MAP3K4: variants seen among roughly 807,000 people sequenced by gnomAD.
MAP3K4 encodes MAP three kinase 1.
A neutral mutation model predicts 185.6 loss-of-function variants in MAP3K4; 67 were observed. The observed-to-expected ratio is 0.36, with a 90% CI of 0.30 to 0.44. MAP3K4 has a LOEUF of 0.44. Ranked by LOEUF, MAP3K4 falls within the 20% of genes least tolerant of loss-of-function variation. The pLI is 1.00. For missense variants in MAP3K4, 1,551 were observed against 1,995.1 expected (o/e 0.78, Z 4.24); for synonymous variants, 702 against 710.4 (o/e 0.99, Z 0.19).
rs1784748096 is a variant in MAP3K4 at position 161,067,144 on chromosome 6, C to T, written c.1708-3464C>T. On this transcript the variant is annotated intron_variant, in intron 3 of 26. Coordinates refer to ENST00000392142, the MANE Select transcript of MAP3K4 (RefSeq NM_005922.4). This position sits in a 1 kb window ranked among gnomAD's most constrained non-coding sequence, Gnocchi z 6.3. ...CGCCTGTGACACAGCCTCAGGACGTCCTGACTATGTGTGCCCAAGGTGGTC... is the reference window on the plus strand; with the variant it reads ...CGCCTGTGACACAGCCTCAGGACGTTCTGACTATGTGTGCCCAAGGTGGTC... 1 of 254,068 alleles carries T rather than the reference C, an allele frequency of 3.9e-6. No individual in the cohort carries two copies. The highest frequency in any genetic ancestry group is 8.3e-6 in the Non-Finnish European group (1 of 121,034). The allele number at this position is 254,068 out of a possible 1,614,324, so 15.7% of individuals were successfully genotyped here. A position where few individuals can be genotyped will look rare whatever the true frequency, so the allele number is the denominator to read the frequency against.
intron 1 of MAP3K4, among the ~76,000 whole-genome samples, chr6:161,014,224 C>T (rs914223924): frequency 6.6e-6 from 1 of 152,100 alleles, no homozygotes; most frequent in African/African-American, 2.4e-5. Context: ...GCGCCCTTTC[C>T]TTTTAGGCTT....
chr6:161,013,191 A>T (rs953990975), intron 1 of MAP3K4, among the ~76,000 whole-genome samples: 2 of 152,220 alleles, frequency 1.3e-5, no homozygotes, highest in Non-Finnish European at 2.9e-5. Context: ...ACTGTTTGCT[A>T]ATTTCCTAGG....
At chr6:160,992,837 A>G (rs559047296) in intron 1 of MAP3K4, among the ~76,000 whole-genome samples, 2 of 152,078 alleles carry the variant, frequency 1.3e-5, no homozygotes, top group East Asian at 3.9e-4. Flanking sequence ...TAATTGAGAG[A>G]ACAAACTCAC....
chr6:161,099,624 G>T (rs1449584342), intron 17 of MAP3K4, among the ~76,000 whole-genome samples: 2 of 152,294 alleles, frequency 1.3e-5, no homozygotes, highest in East Asian at 1.9e-4. Context: ...AGACTGAAGA[G>T]AAGTGATTTG....
chr6:161,003,115 A>G (rs1781405434), intron 1 of MAP3K4, among the ~76,000 whole-genome samples: 1 of 152,164 alleles, frequency 6.6e-6, no homozygotes, highest in African/African-American at 2.4e-5. Flanking sequence ...ATTTTTCACT[A>G]TTTTGGATTG....
In MAP3K4 at chr6:160,996,964, T is replaced by C. The variant is rs1430246223; in HGVS notation, c.152+4881T>C. ...TGCTTCTGAATGAGAGGCAGTGTGA[T>C]CCAGACTTACTCTTAGGTTTTTATT... is the stretch of plus-strand genomic sequence containing the variant. On this transcript the variant is annotated intron_variant, in intron 1 of 26. Coordinates refer to ENST00000392142, the MANE Select transcript of MAP3K4 (RefSeq NM_005922.4). This position sits in a 1 kb window ranked among gnomAD's most constrained non-coding sequence, Gnocchi z 4.5. Among the ~76,000 whole-genome samples, 1 of 152,230 alleles carries C rather than the reference T, an allele frequency of 6.6e-6. No homozygotes were observed. The highest frequency in any genetic ancestry group is 6.5e-5 in the Admixed American group (1 of 15,282).
intron 2 of MAP3K4, among the ~76,000 whole-genome samples, chr6:161,038,304 A>G (rs891251583): frequency 7.9e-5 from 12 of 152,224 alleles, no homozygotes; most frequent in African/African-American, 2.9e-4. Flanking sequence ...CTTCTGGAAC[A>G]AGTGACATTT....
chr6:160,992,256 T>A, intron 1 of MAP3K4, 173 bp downstream of exon 1: 1 of 900,666 alleles, frequency 1.1e-6, no homozygotes, highest in Non-Finnish European at 1.6e-6. Context: ...GGACCGCGTC[T>A]GAGTCTGTCC....
At chr6:161,058,333 A>C (rs1784332786) in intron 3 of MAP3K4, among the ~76,000 whole-genome samples, 2 of 152,206 alleles carry the variant, frequency 1.3e-5, no homozygotes, top group Admixed American at 1.3e-4. Context: ...CATGACCAGC[A>C]GCATAAGGGC....
Position 161,091,730 on chromosome 6 carries a change from T to C in MAP3K4, c.3135+190T>C, listed in dbSNP as rs1777320760. 6.6e-6 allele frequency among the ~76,000 whole-genome samples: 1 copy of C among 152,224 alleles called. No individual in the cohort carries two copies. Among genetic ancestry groups the C allele is most frequent in the Non-Finnish European group, 1.5e-5 (1 of 68,042 alleles). On this transcript the variant is annotated intron_variant, in intron 12 of 26. Coordinates refer to ENST00000392142, the MANE Select transcript of MAP3K4 (RefSeq NM_005922.4). The surrounding 1 kb of genome is among the most constrained non-coding windows in gnomAD (Gnocchi z 5.5). ...AACTGTTAGGTAATTGTCCAACTTT[T>C]ATTTTGTGCTAACAGCCATCTACTT...
chr6:161,008,394 G>A lies in MAP3K4; in HGVS notation c.152+16311G>A, dbSNP rs1781693826. Reference sequence around the variant, plus strand: ...GGAAATATAATTACTATACCAAAGTGTGTGTGTGTGTAAATATATGTAAAA... The same window carrying A: ...GGAAATATAATTACTATACCAAAGTATGTGTGTGTGTAAATATATGTAAAA... On this transcript the variant is annotated intron_variant, in intron 1 of 26. Transcript: ENST00000392142. The surrounding 1 kb of genome is among the most constrained non-coding windows in gnomAD (Gnocchi z 4.1). Among the ~76,000 whole-genome samples the A allele has an allele frequency of 6.6e-6, 1 of 152,052 alleles. No individual in the cohort carries two copies. The highest frequency in any genetic ancestry group is 1.5e-5 in the Non-Finnish European group (1 of 68,000).
chr6:161,030,276 C>T (rs1380681599), intron 1 of MAP3K4, among the ~76,000 whole-genome samples: 2 of 152,052 alleles, frequency 1.3e-5, no homozygotes, highest in African/African-American at 4.8e-5. Flanking sequence ...GTTGCTGTGT[C>T]TTCAAGTTCA....
At chr6:160,993,128 A>G (rs1375380631) in intron 1 of MAP3K4, among the ~76,000 whole-genome samples, 1 of 152,216 alleles carries the variant, frequency 6.6e-6, no homozygotes, top group Non-Finnish European at 1.5e-5. Context: ...GTCATCATTC[A>G]GTTGGCCCAA....
chr6:160,991,886 G>T lies in MAP3K4; in HGVS notation c.-46G>T. 1.4e-6 allele frequency: 2 copies of T among 1,469,680 alleles called. No individual in the cohort carries two copies. The highest frequency in any genetic ancestry group is 1.8e-6 in the Non-Finnish European group (2 of 1,120,006). The allele number at this position is 1,469,680 out of a possible 1,614,324, so 91.0% of individuals were successfully genotyped here. A position where few individuals can be genotyped will look rare whatever the true frequency, so the allele number is the denominator to read the frequency against. On this transcript the variant is annotated 5_prime_UTR_variant, in exon 1 of 27. Coordinates refer to ENST00000392142, the MANE Select transcript of MAP3K4 (RefSeq NM_005922.4). This position sits in a 1 kb window ranked among gnomAD's most constrained non-coding sequence, Gnocchi z 5.7. Reference sequence around the variant, plus strand: ...TCGGGGCTCCGGTGCCCCGCGCCAGGCTGCAGCTTACTGCCCGCCGCGGCC... The same window carrying T: ...TCGGGGCTCCGGTGCCCCGCGCCAGTCTGCAGCTTACTGCCCGCCGCGGCC...
rs1037265593 is a variant in MAP3K4, at chr6:161,024,681, T to G, written c.153-9578T>G. On this transcript the variant is annotated intron_variant, in intron 1 of 26. Coordinates refer to ENST00000392142, the MANE Select transcript of MAP3K4 (RefSeq NM_005922.4). ...TTTTTAGGAGGAATACCACAGAGAT[T>G]AAGTGACCTTGTCATCATATCATAT... 6.6e-5 allele frequency among the ~76,000 whole-genome samples: 10 copies of G among 152,166 alleles called. No homozygotes were observed. In the East Asian group the frequency reaches 1.5e-3, roughly 23 times the overall value.
chr6:161,060,984 G>C (rs1784463936), intron 3 of MAP3K4, among the ~76,000 whole-genome samples: 1 of 152,110 alleles, frequency 6.6e-6, no homozygotes. Flanking sequence ...TATATTCCAA[G>C]ACCACTGTCT....
chr6:161,112,013 G>C lies in MAP3K4; in HGVS notation c.4519+55G>C. 1 of 1,600,574 alleles carries C rather than the reference G, an allele frequency of 6.2e-7. No homozygotes were observed. Among genetic ancestry groups the C allele is most frequent in the Admixed American group, 1.7e-5 (1 of 58,730 alleles). ...TCTGACTTCATGCAGCCTGCTTGGG[G>C]CCTGCATGTTCCCTTCACCTTTGTT... On this transcript the variant is annotated intron_variant, in intron 24 of 26. Transcript: ENST00000392142. The surrounding 1 kb of genome is among the most constrained non-coding windows in gnomAD (Gnocchi z 5.1).
At position 161,008,110 on chromosome 6, in the gene MAP3K4, GTGA is replaced by G. The variant is rs1406409545; in HGVS notation, c.152+16032_152+16034del. Among the ~76,000 whole-genome samples, 2 of 152,184 alleles carry G rather than the reference GTGA, an allele frequency of 1.3e-5. No individual in the cohort carries two copies. The highest frequency in any genetic ancestry group is 2.9e-5 in the Non-Finnish European group (2 of 68,024). On this transcript the variant is annotated intron_variant, in intron 1 of 26. Transcript: ENST00000392142. This position sits in a 1 kb window ranked among gnomAD's most constrained non-coding sequence, Gnocchi z 4.1. ...GGGATAGAGTGGAAAGTGGGATGCA[GTGA>G]TGATATTTATTATATAATATTTGAT... is the stretch of plus-strand genomic sequence containing the variant.
In MAP3K4 at chr6:161,037,905, A is replaced by G. The variant is rs921214946; in HGVS notation, c.343+3456A>G. On this transcript the variant is annotated intron_variant, in intron 2 of 26. Transcript: ENST00000392142. This position sits in a 1 kb window ranked among gnomAD's most constrained non-coding sequence, Gnocchi z 4.2. ...CTGTTCCTGCTTCTGTCCTGCCTGG[A>G]CTACACATTTCCTTGTATGTCTTCC... is the stretch of plus-strand genomic sequence containing the variant. 1.3e-5 allele frequency among the ~76,000 whole-genome samples: 2 copies of G among 152,030 alleles called. No homozygotes were observed. Among genetic ancestry groups the G allele is most frequent in the Admixed American group, 1.3e-4 (2 of 15,264 alleles).
Sources: gnomAD v4.1 joint callset for allele counts (sites outside exome capture counted in the v4.1 genomes callset) on GRCh38, gnomAD v4.1.1 for gene constraint, Gnocchi (gnomAD v3.1) non-coding constraint, MANE v1.5 for transcripts, NCBI Gene and HGNC (gene_info 2026-07-23, HGNC 2026-07-21) for gene names.